The following TAS2R1 variants were observed in gnomAD, a reference collection of about 807,000 sequenced individuals.
TAS2R1 encodes the protein taste 2 receptor member 1, also known as taste receptor type 2 member 1.
For missense variants in TAS2R1, 370 were observed against 353.4 expected (o/e 1.05, Z -0.38); for synonymous variants, 141 against 134.2 (o/e 1.05, Z -0.35).
the TAS2R1 span, among the ~76,000 whole-genome samples, chr5:9,801,994 G>T: frequency 6.6e-6 from 1 of 152,070 alleles, no homozygotes; most frequent in Non-Finnish European, 1.5e-5. Flanking sequence ...GAGCTCTATG[G>T]CCCTGCCAAC....
chr5:9,832,968 T>C, the TAS2R1 span, among the ~76,000 whole-genome samples: 36,610 of 152,072 alleles, frequency 0.24, 4,703 homozygotes, highest in African/African-American at 0.34. Context: ...TCAATCAATA[T>C]GTAGAAGATG....
the TAS2R1 span, among the ~76,000 whole-genome samples, chr5:9,874,974 T>G: frequency 6.6e-6 from 1 of 152,190 alleles, no homozygotes; most frequent in East Asian, 1.9e-4. Flanking sequence ...ATAAGGGTCC[T>G]TCTGAAACCT....
At chr5:9,632,776 AT>A (rs1378795617), upstream of TAS2R1, among the ~76,000 whole-genome samples, 1 of 152,028 alleles carries the variant, frequency 6.6e-6, no homozygotes. Flanking sequence ...TATAATTCTC[AT>A]TCTATTTCCA....
At chr5:9,883,575 A>T in the TAS2R1 span, among the ~76,000 whole-genome samples, 10 of 152,232 alleles carry the variant, frequency 6.6e-5, no homozygotes, top group African/African-American at 2.4e-4. Flanking sequence ...TTTAAAGGTA[A>T]GACAAAGATT....
chr5:9,632,403 G>A (rs1430702774), upstream of TAS2R1, among the ~76,000 whole-genome samples: 1 of 152,194 alleles, frequency 6.6e-6, no homozygotes, highest in African/African-American at 2.4e-5. Context: ...GGTTGATGAA[G>A]GTTGGGTGGC....
At chr5:9,638,049 A>G (rs1739998135) in intron 2 of TAS2R1, among the ~76,000 whole-genome samples, 1 of 152,172 alleles carries the variant, frequency 6.6e-6, no homozygotes, top group Admixed American at 6.5e-5. Flanking sequence ...ATTTGGGTAG[A>G]CTATTTCAGT....
chr5:9,731,287 C>G, the TAS2R1 span, among the ~76,000 whole-genome samples: 1 of 152,274 alleles, frequency 6.6e-6, no homozygotes, highest in South Asian at 2.1e-4. Context: ...TGCTCTGCCT[C>G]CACTCCTGCC....
At chr5:9,888,055 C>G in the TAS2R1 span, among the ~76,000 whole-genome samples, 1 of 152,112 alleles carries the variant, frequency 6.6e-6, no homozygotes, top group African/African-American at 2.4e-5. Context: ...CAGGCAGCTA[C>G]CGAAAGGGGG....
the TAS2R1 span, among the ~76,000 whole-genome samples, chr5:9,832,795 C>T: frequency 3.3e-5 from 5 of 152,130 alleles, no homozygotes; most frequent in South Asian, 2.1e-4. Flanking sequence ...TTTTGTAAAC[C>T]GAAAGTTGTC....
the TAS2R1 span, among the ~76,000 whole-genome samples, chr5:9,863,838 A>C: frequency 1.1e-4 from 16 of 152,198 alleles, no homozygotes; most frequent in Non-Finnish European, 2.2e-4. Flanking sequence ...CTCCCCTTCA[A>C]AAGTTCTGGT....
the TAS2R1 span, among the ~76,000 whole-genome samples, chr5:9,802,713 C>T: frequency 6.6e-6 from 1 of 152,136 alleles, no homozygotes; most frequent in African/African-American, 2.4e-5. Context: ...CCATCCTGGT[C>T]AACATGGTGA....
chr5:9,698,885 TTTAGA>T (rs1741417851), intron 1 of TAS2R1, among the ~76,000 whole-genome samples: 3 of 152,206 alleles, frequency 2.0e-5, no homozygotes, highest in East Asian at 1.9e-4. Flanking sequence ...GTGTGTGTGT[TTTAGA>T]TTAATCTTTC....
At chr5:9,648,349 C>T (rs1740236753) in intron 2 of TAS2R1, among the ~76,000 whole-genome samples, 1 of 152,014 alleles carries the variant, frequency 6.6e-6, no homozygotes, top group Admixed American at 6.6e-5. Flanking sequence ...TGTTTTTATG[C>T]CTTTTTTCCA....
At chr5:9,648,587 A>G (rs1740242612) in intron 2 of TAS2R1, among the ~76,000 whole-genome samples, 1 of 152,026 alleles carries the variant, frequency 6.6e-6, no homozygotes, top group Admixed American at 6.6e-5. Context: ...ATTCATTCAT[A>G]CTGGGAGATA....
At chr5:9,855,005 G>A in the TAS2R1 span, among the ~76,000 whole-genome samples, 1 of 152,204 alleles carries the variant, frequency 6.6e-6, no homozygotes, top group African/African-American at 2.4e-5. Context: ...CTTGTTTCGA[G>A]AGCCCCCAGC....
the TAS2R1 span, among the ~76,000 whole-genome samples, chr5:9,753,209 G>T: frequency 4.0e-3 from 605 of 152,192 alleles, 1 homozygote; most frequent in Admixed American, 9.2e-3. Context: ...CTCCAGCACC[G>T]GTTGTTTCCT....
At chr5:9,707,037 G>C (rs41474) in intron 1 of TAS2R1, among the ~76,000 whole-genome samples, 28,601 of 152,172 alleles carry the variant, frequency 0.19, 3,343 homozygotes, top group Admixed American at 0.32. Flanking sequence ...CCTCAGGATA[G>C]AGATGAGATG....
At chr5:9,719,069 T>C in the TAS2R1 span, among the ~76,000 whole-genome samples, 4 of 152,196 alleles carry the variant, frequency 2.6e-5, no homozygotes, top group African/African-American at 9.6e-5. Flanking sequence ...GTGGATTAGT[T>C]AAAGGTATTG....
At chr5:9,686,991 T>A (rs943413692) in intron 1 of TAS2R1, among the ~76,000 whole-genome samples, 1 of 152,052 alleles carries the variant, frequency 6.6e-6, no homozygotes, top group African/African-American at 2.4e-5. Flanking sequence ...TGAGATGGAG[T>A]TTTGCTTTTG....
Sources: gnomAD v4.1 joint callset for allele counts (sites outside exome capture counted in the v4.1 genomes callset) on GRCh38, gnomAD v4.1.1 for gene constraint, MANE v1.5 for transcripts, NCBI Gene and HGNC (gene_info 2026-07-23, HGNC 2026-07-21) for gene names.